SMURF2: variants seen among roughly 807,000 people sequenced by gnomAD.
SMURF2 encodes the protein SMAD specific E3 ubiquitin protein ligase 2.
In SMURF2, 48 loss-of-function variants were observed where a neutral mutation model predicts 109.6. That is an observed-to-expected ratio of 0.44 (90% confidence interval 0.35 to 0.56). SMURF2 has a LOEUF of 0.56. Ranked by LOEUF, SMURF2 falls within the 20% of genes least tolerant of loss-of-function variation. The pLI, the probability that SMURF2 is intolerant of heterozygous loss-of-function variation, is 0.01. For synonymous variants in SMURF2, 288 were observed against 317.1 expected, an observed-to-expected ratio of 0.91 and a Z score of 0.97; for missense variants, 575 against 909.0, an observed-to-expected ratio of 0.63 and a Z score of 4.72.
chr17:64,591,064 A>C lies in SMURF2; in HGVS notation c.400+20T>G. 1.3e-6 allele frequency: 2 copies of C among 1,599,044 alleles called. No homozygotes were observed. Among genetic ancestry groups the C allele is most frequent in the Non-Finnish European group, 1.7e-6 (2 of 1,170,200 alleles). ...TCAGTTTGAAACCAAAATTCATGTAACTTTAAATTCCACACTTACCTACTA... is the reference window on the plus strand; with the variant it reads ...TCAGTTTGAAACCAAAATTCATGTACCTTTAAATTCCACACTTACCTACTA... On this transcript the variant is annotated intron_variant, in intron 5 of 18. Coordinates refer to ENST00000262435, the MANE Select transcript of SMURF2 (RefSeq NM_022739.4).
At chr17:64,654,673 T>C (rs1970682729) in intron 1 of SMURF2, among the ~76,000 whole-genome samples, 1 of 151,568 alleles carries the variant, frequency 6.6e-6, no homozygotes, top group Admixed American at 6.6e-5. Flanking sequence ...CTACTAAAAA[T>C]ACAGAATTAG....
rs1970341657 is a variant in SMURF2, at chr17:64,631,284, G to GAGAGAGAC, written c.53-24645_53-24644insGTCTCTCT. Among the ~76,000 whole-genome samples the GAGAGAGAC allele has an allele frequency of 8.2e-5, 2 of 24,384 alleles. 1 individual carries two copies. The highest frequency in any genetic ancestry group is 1.6e-3 in the East Asian group (2 of 1,256). The allele number at this position is 24,384 out of a possible 152,430, so 16.0% of individuals were successfully genotyped here. ...TGGGGGGGAGAGAGGGGGGGGGGGA[G>GAGAGAGAC]AGAGAGAGAGAGAGAGAGAGAGAGA... is the stretch of plus-strand genomic sequence containing the variant. On this transcript the variant is annotated intron_variant, in intron 1 of 18. Transcript: ENST00000262435.
intron 1 of SMURF2, among the ~76,000 whole-genome samples, chr17:64,609,427 T>C (rs1046383171): frequency 2.6e-5 from 4 of 152,222 alleles, no homozygotes; most frequent in African/African-American, 9.6e-5. Context: ...AACAAATATA[T>C]AGACCAATGT....
At chr17:64,594,306 A>C (rs1210443825) in intron 3 of SMURF2, among the ~76,000 whole-genome samples, 15 of 152,208 alleles carry the variant, frequency 9.9e-5, no homozygotes, top group Non-Finnish European at 8.8e-5. Flanking sequence ...CCTTGATCTT[A>C]AAGTATCATT....
At position 64,576,873 on chromosome 17, in the gene SMURF2, C is replaced by CTT. The variant is rs782057854; in HGVS notation, c.857+1617_857+1618dup. 1.1e-3 allele frequency among the ~76,000 whole-genome samples: 88 copies of CTT among 81,500 alleles called. 4 individuals are homozygous for CTT. The highest frequency in any genetic ancestry group is 1.2e-3 in the Non-Finnish European group (54 of 43,596). 53.5% of individuals were successfully genotyped at this position (81,500 alleles called of 152,430 possible). A position where few individuals can be genotyped will look rare whatever the true frequency, so the allele number is the denominator to read the frequency against. ...CCCAGGTCAATTTTCTTTTTCTATC[C>CTT]TTTTTTTTTTTTTTTTTTTTTTTTT... On this transcript the variant is annotated intron_variant, in intron 9 of 18. Coordinates refer to ENST00000262435, the MANE Select transcript of SMURF2 (RefSeq NM_022739.4).
At chr17:64,660,568 G>A (rs140174914) in intron 1 of SMURF2, among the ~76,000 whole-genome samples, 1 of 152,218 alleles carries the variant, frequency 6.6e-6, no homozygotes, top group Admixed American at 6.5e-5. Flanking sequence ...CAAATTCACT[G>A]CAAGTTTTCA....
chr17:64,546,246 C>G lies in SMURF2; in HGVS notation c.2147+17G>C. 2.5e-6 allele frequency: 4 copies of G among 1,612,272 alleles called. No homozygotes were observed. The highest frequency in any genetic ancestry group is 3.4e-6 in the Non-Finnish European group (4 of 1,178,342). On this transcript the variant is annotated intron_variant, in intron 18 of 18. Coordinates refer to ENST00000262435, the MANE Select transcript of SMURF2 (RefSeq NM_022739.4). Reference sequence around the variant, plus strand: ...TATGTACATGGAATGGGGAATACAGCTACAAAAATACCTTACCAAGTGTGG... The same window carrying G: ...TATGTACATGGAATGGGGAATACAGGTACAAAAATACCTTACCAAGTGTGG...
intron 1 of SMURF2, among the ~76,000 whole-genome samples, chr17:64,622,267 C>G (rs1555690731): frequency 6.6e-6 from 1 of 151,946 alleles, no homozygotes; most frequent in Non-Finnish European, 1.5e-5. Context: ...AGTGTTCCCA[C>G]ATATCCACAC....
At chr17:64,640,986 T>C (rs1175010253) in intron 1 of SMURF2, among the ~76,000 whole-genome samples, 1 of 151,798 alleles carries the variant, frequency 6.6e-6, no homozygotes, top group Non-Finnish European at 1.5e-5. Context: ...ACTAACATCA[T>C]TTTATTCTTA....
At position 64,583,526 on chromosome 17, in the gene SMURF2, G is replaced by A. The variant is rs200706492; in HGVS notation, c.504C>T (p.Thr168=). ...TTAGATACTGGATTCTTCCAGAGGC[G>A]GTTCTCCTTTCTTCCCAGCTTAAAT... ...DLPDGWEERR[T]ASGRIQYLNH... The change falls in exon 7 of 19, where the codon ACC becomes ACT. Residue 168 remains threonine, a synonymous_variant. Transcript: ENST00000262435. 344 of 1,613,722 alleles carry A rather than the reference G, an allele frequency of 2.1e-4. No individual in the cohort carries two copies. Among genetic ancestry groups the A allele is most frequent in the Non-Finnish European group, 2.8e-4 (325 of 1,179,724 alleles).
intron 2 of SMURF2, among the ~76,000 whole-genome samples, chr17:64,605,993 T>C (rs1348827555): frequency 6.6e-6 from 1 of 151,596 alleles, no homozygotes; most frequent in African/African-American, 2.4e-5. Flanking sequence ...GAATAAAGAT[T>C]GTAATATACA....
At chr17:64,657,877 T>C (rs1264164015) in intron 1 of SMURF2, among the ~76,000 whole-genome samples, 1 of 152,080 alleles carries the variant, frequency 6.6e-6, no homozygotes, top group Non-Finnish European at 1.5e-5. Flanking sequence ...ATACACAGAC[T>C]TTATTACGAA....
intron 3 of SMURF2, among the ~76,000 whole-genome samples, chr17:64,596,391 C>A: frequency 6.6e-6 from 1 of 151,770 alleles, no homozygotes; most frequent in African/African-American, 2.4e-5. Context: ...GGATCTAAAC[C>A]TAGAAGATAA....
intron 1 of SMURF2, among the ~76,000 whole-genome samples, chr17:64,636,718 G>T (rs1382974845): frequency 1.3e-5 from 2 of 151,072 alleles, no homozygotes; most frequent in Non-Finnish European, 2.9e-5. Flanking sequence ...GGTGGAGGTT[G>T]CAGTGAGCTA....
chr17:64,567,383 A>G (rs782713895), intron 10 of SMURF2, among the ~76,000 whole-genome samples: 8 of 149,242 alleles, frequency 5.4e-5, no homozygotes, highest in Non-Finnish European at 1.2e-4. Context: ...ACTTCCTGTC[A>G]TTTACTCCAA....
intron 18 of SMURF2, 94 bp from the exon 19 acceptor site, chr17:64,546,041 C>G: frequency 1.1e-6 from 1 of 917,934 alleles, no homozygotes; most frequent in Non-Finnish European, 1.7e-6. Context: ...CACTCTGTGT[C>G]ACACAGAAAA....
chr17:64,603,195 CCTT>C (rs1264228438), intron 2 of SMURF2, among the ~76,000 whole-genome samples: 4 of 151,100 alleles, frequency 2.6e-5, no homozygotes, highest in African/African-American at 9.7e-5. Flanking sequence ...CTATAAAACA[CCTT>C]ATTACCTTAC....
At chr17:64,586,217 A>G (rs1555687070) in intron 5 of SMURF2, 47 bp from the exon 6 acceptor site, 1 of 1,264,576 alleles carries the variant, frequency 7.9e-7, no homozygotes, top group African/African-American at 1.5e-5. Flanking sequence ...ACTAGAAAGA[A>G]CTATTATAAT....
chr17:64,639,906 T>C (rs1209636576), intron 1 of SMURF2, among the ~76,000 whole-genome samples: 2 of 152,152 alleles, frequency 1.3e-5, no homozygotes, highest in Non-Finnish European at 2.9e-5. Context: ...TGAGCAGCAT[T>C]AGGTAAAAAC....
Sources: gnomAD v4.1 joint callset for allele counts (sites outside exome capture counted in the v4.1 genomes callset) on GRCh38, gnomAD v4.1.1 for gene constraint, MANE v1.5 for transcripts, NCBI Gene and HGNC (gene_info 2026-07-23, HGNC 2026-07-21) for gene names.